Variants in CADM2 observed in about 807,000 individuals in gnomAD.
CADM2 encodes the protein cell adhesion molecule 2.
CADM2 carries 12 observed loss-of-function variants against 49.8 expected under a neutral mutation model. The observed-to-expected ratio is 0.24, with a 90% CI of 0.15 to 0.39. The LOEUF (loss-of-function observed/expected upper bound fraction) is 0.39, where lower values mean the gene tolerates loss of function less well. Among genes scored for constraint, CADM2 ranks in the 10% least tolerant of loss-of-function variants. The pLI is 1.00. For missense variants in CADM2, 378 were observed against 492.3 expected (o/e 0.77, Z 2.20); for synonymous variants, 214 against 175.4 (o/e 1.22, Z -1.74).
intron 1 of CADM2, among the ~76,000 whole-genome samples, chr3:85,535,223 C>T (rs1453626219): frequency 3.9e-5 from 6 of 152,110 alleles, no homozygotes; most frequent in African/African-American, 1.4e-4. Context: ...TCAATCTACA[C>T]ACCAGTTATA....
intron 1 of CADM2, among the ~76,000 whole-genome samples, chr3:85,359,666 A>ATATATATATATATATATATATTTTTTT: frequency 1.4e-3 from 38 of 26,550 alleles, no homozygotes; most frequent in Non-Finnish European, 2.4e-3. Flanking sequence ...ATATATATAT[A>ATATATATATATATATATATATTTTTTT]TTTTTTTTTT....
chr3:85,686,026 T>A (rs1342927277), intron 1 of CADM2, among the ~76,000 whole-genome samples: 1 of 152,212 alleles, frequency 6.6e-6, no homozygotes, highest in East Asian at 1.9e-4. Context: ...TCAATGGTAT[T>A]TGTTTCTGTT....
chr3:85,927,983 T>C (rs1050219647), intron 6 of CADM2, among the ~76,000 whole-genome samples: 2 of 152,142 alleles, frequency 1.3e-5, no homozygotes, highest in African/African-American at 2.4e-5. Flanking sequence ...GGTGGTTTAA[T>C]AGAAGCTTCA....
intron 6 of CADM2, among the ~76,000 whole-genome samples, chr3:85,929,342 A>T (rs1286675690): frequency 6.6e-6 from 1 of 152,104 alleles, no homozygotes; most frequent in Non-Finnish European, 1.5e-5. Flanking sequence ...AAATATGTTT[A>T]AAATGAACAA....
intron 1 of CADM2, among the ~76,000 whole-genome samples, chr3:85,187,684 T>C (rs1381439186): frequency 6.6e-6 from 1 of 152,102 alleles, no homozygotes; most frequent in Non-Finnish European, 1.5e-5. Flanking sequence ...AATTATTGTT[T>C]ATTAAATGTC....
intron 1 of CADM2, among the ~76,000 whole-genome samples, chr3:85,194,827 A>G (rs1283390023): frequency 6.6e-6 from 1 of 152,022 alleles, no homozygotes; most frequent in Non-Finnish European, 1.5e-5. Context: ...AGTTTTTCCA[A>G]GTTCAACTTG....
chr3:86,017,206 A>C (rs912004397), intron 8 of CADM2, among the ~76,000 whole-genome samples: 7 of 149,812 alleles, frequency 4.7e-5, no homozygotes, highest in African/African-American at 1.7e-4. Flanking sequence ...TTTACACTAT[A>C]TAGATATGAG....
intron 1 of CADM2, among the ~76,000 whole-genome samples, chr3:85,025,011 A>T (rs1052965522): frequency 1.3e-5 from 2 of 150,304 alleles, no homozygotes; most frequent in African/African-American, 2.4e-5. Context: ...ATTCAGCCTT[A>T]AAAAAAAACA....
chr3:85,375,941 G>A (rs2033568615), intron 1 of CADM2, among the ~76,000 whole-genome samples: 1 of 151,990 alleles, frequency 6.6e-6, no homozygotes, highest in Admixed American at 6.6e-5. Flanking sequence ...ACATTTAAGG[G>A]TACCTAAGTA....
rs369105137 is a variant in CADM2 at position 85,753,956 on chromosome 3, G to A, written c.88+27408G>A. Among the ~76,000 whole-genome samples, 9 of 152,236 alleles carry A rather than the reference G, an allele frequency of 5.9e-5. 1 individual carries two copies. The East Asian group carries it at 1.4e-3, about 23-fold the overall frequency. ...AAGTGTGTGGCTTGACCTTTGACTT[G>A]GGGTTTTATAGGTTGGCGTTCTTGC... is the stretch of plus-strand genomic sequence containing the variant. On this transcript the variant is annotated intron_variant, in intron 2 of 9. Transcript: ENST00000383699.
chr3:85,882,240 G>T (rs1559719450), intron 3 of CADM2, among the ~76,000 whole-genome samples: 1 of 151,416 alleles, frequency 6.6e-6, no homozygotes, highest in Non-Finnish European at 1.5e-5. Context: ...AGATGGAGAG[G>T]GGAAGTCTTA....
intron 1 of CADM2, among the ~76,000 whole-genome samples, chr3:85,155,063 T>A (rs904326475): frequency 6.9e-6 from 1 of 145,736 alleles, no homozygotes; most frequent in African/African-American, 2.8e-5. Flanking sequence ...AACATCATAA[T>A]GACAGGATAA....
intron 1 of CADM2, among the ~76,000 whole-genome samples, chr3:85,297,184 GATAA>G (rs2043987324): frequency 6.7e-6 from 1 of 149,150 alleles, no homozygotes; most frequent in African/African-American, 2.6e-5. Flanking sequence ...CTAAGCGTCA[GATAA>G]GTTAAGTAAT....
chr3:86,041,597 C>T (rs911896203), intron 8 of CADM2, among the ~76,000 whole-genome samples: 1 of 152,036 alleles, frequency 6.6e-6, no homozygotes, highest in South Asian at 2.1e-4. Flanking sequence ...CCTTAGAGAC[C>T]CACAAAGAGA....
intron 1 of CADM2, among the ~76,000 whole-genome samples, chr3:85,243,512 A>G (rs2042578991): frequency 6.6e-6 from 1 of 152,074 alleles, no homozygotes; most frequent in African/African-American, 2.4e-5. Flanking sequence ...TAAAAGCACT[A>G]ATTACTTGTC....
At chr3:85,745,830 G>A (rs185561310) in intron 2 of CADM2, among the ~76,000 whole-genome samples, 1 of 152,164 alleles carries the variant, frequency 6.6e-6, no homozygotes, top group African/African-American at 2.4e-5. Flanking sequence ...TCTGAATCGT[G>A]TTGAATATTT....
At chr3:85,878,716 G>T (rs1454179559) in intron 3 of CADM2, among the ~76,000 whole-genome samples, 1 of 152,018 alleles carries the variant, frequency 6.6e-6, no homozygotes, top group African/African-American at 2.4e-5. Flanking sequence ...CCATGAAAAT[G>T]GTTTAAATAT....
intron 6 of CADM2, among the ~76,000 whole-genome samples, chr3:85,930,241 A>C (rs1343783728): frequency 1.3e-5 from 2 of 152,160 alleles, no homozygotes; most frequent in Non-Finnish European, 2.9e-5. Flanking sequence ...TTGTTACCTA[A>C]TGATATCCAA....
intron 1 of CADM2, among the ~76,000 whole-genome samples, chr3:85,632,505 G>T (rs1175376718): frequency 2.0e-5 from 3 of 152,042 alleles, no homozygotes; most frequent in Admixed American, 2.0e-4. Flanking sequence ...GCCTTTTGTT[G>T]GCTGAAATAA....
Sources: allele counts gnomAD v4.1 joint callset (sites outside exome capture counted in the v4.1 genomes callset), GRCh38; gene constraint gnomAD v4.1.1; transcripts MANE v1.5; gene names NCBI Gene and HGNC (gene_info 2026-07-23, HGNC 2026-07-21).